Variants in GPC5 observed in about 807,000 individuals in gnomAD.
GPC5 encodes glypican-5.
Under a neutral mutation model 53.9 loss-of-function variants are expected in GPC5, and 47 were observed. The observed-to-expected ratio is 0.87, with a 90% CI of 0.69 to 1.11. The LOEUF (loss-of-function observed/expected upper bound fraction) is 1.11. GPC5 is among the 50% of genes most tolerant of loss of function. GPC5 has a pLI of 0.00. For synonymous variants in GPC5, 286 were observed against 263.3 expected, an observed-to-expected ratio of 1.09 and a Z score of -0.84; for missense variants, 748 against 713.1, an observed-to-expected ratio of 1.05 and a Z score of -0.56.
intron 5 of GPC5, among the ~76,000 whole-genome samples, chr13:91,904,496 G>A (rs1189269048): frequency 6.6e-6 from 1 of 151,926 alleles, no homozygotes; most frequent in East Asian, 1.9e-4. Flanking sequence ...CTTATTGGTG[G>A]TTGTATTTTG....
intron 5 of GPC5, among the ~76,000 whole-genome samples, chr13:91,887,484 A>C (rs1421672546): frequency 6.6e-6 from 1 of 152,130 alleles, no homozygotes; most frequent in African/African-American, 2.4e-5. Context: ...TATTTATGCA[A>C]ATTTCTGCAG....
chr13:92,200,081 C>G (rs2139059009), intron 7 of GPC5, among the ~76,000 whole-genome samples: 1 of 152,220 alleles, frequency 6.6e-6, no homozygotes, highest in East Asian at 1.9e-4. Context: ...TTTGGCCAAG[C>G]TTTGTTTTGA....
chr13:91,499,662 G>A (rs1049551541), intron 2 of GPC5, among the ~76,000 whole-genome samples: 50 of 152,038 alleles, frequency 3.3e-4, no homozygotes, highest in East Asian at 5.8e-4. Flanking sequence ...GCATTTTAGC[G>A]CTCTCCAGGT....
chr13:91,980,110 A>G (rs1385101344), intron 6 of GPC5, among the ~76,000 whole-genome samples: 1 of 152,220 alleles, frequency 6.6e-6, no homozygotes, highest in Non-Finnish European at 1.5e-5. Flanking sequence ...AAAAGCTTCC[A>G]AAGTTTAGTC....
intron 2 of GPC5, among the ~76,000 whole-genome samples, chr13:91,650,366 G>C (rs1023142410): frequency 4.6e-5 from 7 of 151,918 alleles, no homozygotes; most frequent in African/African-American, 1.5e-4. Flanking sequence ...ATAGAATCTT[G>C]TAGTATGTAA....
chr13:91,975,299 A>T (rs934491757), intron 6 of GPC5, among the ~76,000 whole-genome samples: 162 of 152,350 alleles, frequency 1.1e-3, no homozygotes, highest in Non-Finnish European at 2.1e-3. Context: ...GAGCTTCTGC[A>T]CAGCAAAAGA....
At chr13:92,330,565 C>A (rs971789979) in intron 7 of GPC5, among the ~76,000 whole-genome samples, 2 of 152,172 alleles carry the variant, frequency 1.3e-5, no homozygotes, top group Non-Finnish European at 1.5e-5. Context: ...TTTCCCTGAC[C>A]TGGCAAGAGT....
At chr13:92,038,219 G>A (rs371956768) in intron 6 of GPC5, among the ~76,000 whole-genome samples, 1 of 151,918 alleles carries the variant, frequency 6.6e-6, no homozygotes. Flanking sequence ...ACACCCAGGT[G>A]CGACTACTGT....
chr13:91,701,880 T>G (rs1232452813), intron 3 of GPC5, among the ~76,000 whole-genome samples: 1 of 152,068 alleles, frequency 6.6e-6, no homozygotes. Flanking sequence ...GCACTTTTCT[T>G]CATAACACCT....
chr13:92,851,887 CAAAAAAAAAA>C (rs71202563), intron 7 of GPC5, among the ~76,000 whole-genome samples: 1 of 59,204 alleles, frequency 1.7e-5, no homozygotes, highest in East Asian at 4.0e-4. Context: ...GACTCCGTCT[CAAAAAAAAAA>C]AAAAAAAAAA....
chr13:91,449,202 A>G (rs1881015001), intron 2 of GPC5, among the ~76,000 whole-genome samples: 1 of 152,154 alleles, frequency 6.6e-6, no homozygotes, highest in Admixed American at 6.5e-5. Context: ...GTCTGCCAAC[A>G]TTCTGACTCA....
intron 7 of GPC5, among the ~76,000 whole-genome samples, chr13:92,422,152 TCCATTCCAAATACA>T (rs1187106860): frequency 5.3e-5 from 8 of 151,868 alleles, no homozygotes; most frequent in African/African-American, 1.9e-4. Context: ...AAGCCCTGCT[TCCATTCCAAATACA>T]CCATTCCAAA....
chr13:92,352,725 A>G (rs1158745627), intron 7 of GPC5, among the ~76,000 whole-genome samples: 4 of 152,198 alleles, frequency 2.6e-5, no homozygotes, highest in Admixed American at 6.5e-5. Flanking sequence ...ATGTGTATCT[A>G]TGGTGTCTTG....
In GPC5 at chr13:92,863,116, C is replaced by T. The variant is rs141369669; in HGVS notation, c.1562-3166C>T. Among the ~76,000 whole-genome samples, 14 of 152,272 alleles carry T rather than the reference C, an allele frequency of 9.2e-5. No individual in the cohort carries two copies. The East Asian group carries it at 2.5e-3, about 27-fold the overall frequency. Reference sequence around the variant, plus strand: ...AGATGACAAGGAAGGAGAGAAAACACTCCTAATGCACTTTGTAGGTAACAT... The same window carrying T: ...AGATGACAAGGAAGGAGAGAAAACATTCCTAATGCACTTTGTAGGTAACAT... On this transcript the variant is annotated intron_variant, in intron 7 of 7. Transcript: ENST00000377067.
At chr13:91,609,262 CG>C (rs1456543310) in intron 2 of GPC5, among the ~76,000 whole-genome samples, 2 of 151,548 alleles carry the variant, frequency 1.3e-5, no homozygotes, top group Non-Finnish European at 2.9e-5. Context: ...CTCTGAGAGC[CG>C]GGAGTGGTGG....
intron 7 of GPC5, among the ~76,000 whole-genome samples, chr13:92,413,865 C>T (rs1037467852): frequency 6.6e-6 from 1 of 152,150 alleles, no homozygotes; most frequent in Non-Finnish European, 1.5e-5. Flanking sequence ...ACACTTAGGG[C>T]TCCTCACTTT....
At chr13:91,426,180 T>C (rs977501853) in intron 1 of GPC5, among the ~76,000 whole-genome samples, 1 of 151,992 alleles carries the variant, frequency 6.6e-6, no homozygotes, top group Non-Finnish European at 1.5e-5. Flanking sequence ...GCATAAGTAA[T>C]GAGGAGCCAA....
rs181355848 is a variant in GPC5 at position 92,297,310 on chromosome 13, G to A, written c.1561+152321G>A. On this transcript the variant is annotated intron_variant, in intron 7 of 7. Coordinates refer to ENST00000377067, the MANE Select transcript of GPC5 (RefSeq NM_004466.6). The stretch of plus-strand genomic sequence containing the variant: ...CTCAGGGATTGTAAATATACCAATC[G>A]GCACTCTGTATCTAGCTCAAGGTTT... 3.4e-3 allele frequency among the ~76,000 whole-genome samples: 515 copies of A among 150,762 alleles called. 2 individuals carry two copies. Among genetic ancestry groups the A allele is most frequent in the African/African-American group, 0.012 (481 of 40,982 alleles).
chr13:92,243,804 G>A (rs1008662811), intron 7 of GPC5, among the ~76,000 whole-genome samples: 20 of 152,144 alleles, frequency 1.3e-4, no homozygotes, highest in African/African-American at 4.8e-4. Context: ...TTTAAAACCT[G>A]AGAGTAGATC....
Sources: gnomAD v4.1 joint callset for allele counts (sites outside exome capture counted in the v4.1 genomes callset) on GRCh38, gnomAD v4.1.1 for gene constraint, MANE v1.5 for transcripts, NCBI Gene and HGNC (gene_info 2026-07-23, HGNC 2026-07-21) for gene names.